LIMK2: variants seen among roughly 807,000 people sequenced by gnomAD.
LIMK2 encodes the protein LIM domain kinase 2.
Under a neutral mutation model 75.7 loss-of-function variants are expected in LIMK2, and 35 were observed. The observed-to-expected ratio is 0.46, with a 90% CI of 0.35 to 0.61. The LOEUF is 0.61. Among genes scored for constraint, LIMK2 ranks in the 20% least tolerant of loss-of-function variants. LIMK2 has a pLI of 0.00. For missense variants in LIMK2, 623 were observed against 831.0 expected, an observed-to-expected ratio of 0.75 and a Z score of 3.08; for synonymous variants, 301 against 319.2, an observed-to-expected ratio of 0.94 and a Z score of 0.61.
rs375596056 is a variant in LIMK2 at position 31,268,326 on chromosome 22, T to G, written c.1317+126T>G. On this transcript the variant is annotated intron_variant, in intron 11 of 15. Transcript: ENST00000331728. ...TGTGGGCTGGGTCAGCAGCTATTCA[T>G]TGAGTTTGTCTGTGTCACTGAAACT... 152 of 797,102 alleles carry G rather than the reference T, an allele frequency of 1.9e-4. 2 individuals carry two copies. The East Asian group carries it at 3.1e-3, about 16-fold the overall frequency. The allele number at this position is 797,102 out of a possible 1,614,324, so 49.4% of individuals were successfully genotyped here.
intron 2 of LIMK2, among the ~76,000 whole-genome samples, chr22:31,246,207 A>C (rs932779446): frequency 3.3e-5 from 5 of 149,790 alleles, no homozygotes; most frequent in African/African-American, 1.2e-4. Context: ...ACACACACAC[A>C]CACACACACG....
chr22:31,278,641 T>C lies in LIMK2; in HGVS notation c.*200T>C, dbSNP rs2049056231. On this transcript the variant is annotated 3_prime_UTR_variant, in exon 16 of 16. Transcript: ENST00000331728. The stretch of plus-strand genomic sequence containing the variant: ...ATGTATCTCCACAGGTTCTGGGGCC[T>C]AGTTACTGTCTGTAAATCCAATACT... The C allele has an allele frequency of 4.4e-6, 2 of 458,388 alleles. No individual in the cohort carries two copies. Among genetic ancestry groups the C allele is most frequent in the Non-Finnish European group, 7.6e-6 (2 of 263,288 alleles). The allele number at this position is 458,388 out of a possible 1,614,324, so 28.4% of individuals were successfully genotyped here. A position where few individuals can be genotyped will look rare whatever the true frequency, so the allele number is the denominator to read the frequency against.
At chr22:31,234,678 G>A (rs1468395889) in intron 2 of LIMK2, among the ~76,000 whole-genome samples, 3 of 136,566 alleles carry the variant, frequency 2.2e-5, no homozygotes, top group Admixed American at 1.7e-4. Context: ...CCCAGATCAC[G>A]CCACTGCACT....
At chr22:31,240,306 G>A (rs1366992337) in intron 2 of LIMK2, among the ~76,000 whole-genome samples, 2 of 152,170 alleles carry the variant, frequency 1.3e-5, no homozygotes, top group South Asian at 2.1e-4. Flanking sequence ...CAGTAGCACT[G>A]ACTCTTGCAG....
At position 31,258,445 on chromosome 22, in the gene LIMK2, A is replaced by G. The variant is rs769573078; in HGVS notation, c.252+19A>G. On this transcript the variant is annotated intron_variant, in intron 3 of 15. Transcript: ENST00000331728. ...TTTTATGGTGAGTGAATCCCTTCAT[A>G]TCTGCCCCTCTTGGTCTTCAGAGTC... 5.0e-6 allele frequency: 8 copies of G among 1,613,638 alleles called. No individual in the cohort carries two copies. Among genetic ancestry groups the G allele is most frequent in the East Asian group, 4.5e-5 (2 of 44,864 alleles).
chr22:31,246,383 GA>G (rs1001954974), intron 2 of LIMK2, among the ~76,000 whole-genome samples: 3 of 149,594 alleles, frequency 2.0e-5, no homozygotes, highest in South Asian at 2.1e-4. Flanking sequence ...AAAAAAAAAA[GA>G]AAAAAATCTT....
chr22:31,257,736 T>C (rs577232971), intron 2 of LIMK2, among the ~76,000 whole-genome samples: 90 of 152,294 alleles, frequency 5.9e-4, no homozygotes, highest in African/African-American at 2.1e-3. Context: ...GTTATTCTTA[T>C]AGAATAACCC....
chr22:31,218,199 A>G lies in LIMK2; in HGVS notation c.16+5775A>G, dbSNP rs542585331. 7.5e-4 allele frequency among the ~76,000 whole-genome samples: 115 copies of G among 152,322 alleles called. 1 individual carries two copies. Among genetic ancestry groups the G allele is most frequent in the Admixed American group, 2.2e-3 (33 of 15,298 alleles). On this transcript the variant is annotated intron_variant, in intron 1 of 15. Transcript: ENST00000331728. ...TTGGTAATCCTGTAAAGCAGGTGGT[A>G]TTATCCTCTTTTTAAAGATTAGGAG... is the stretch of plus-strand genomic sequence containing the variant.
rs1391783533 is a variant in LIMK2 at position 31,262,126 on chromosome 22, T to C, written c.552-8T>C. 6.2e-6 allele frequency: 10 copies of C among 1,612,520 alleles called. No individual in the cohort carries two copies. Among genetic ancestry groups the C allele is most frequent in the Non-Finnish European group, 8.5e-6 (10 of 1,178,624 alleles). On this transcript the variant is annotated splice_polypyrimidine_tract_variant and splice_region_variant and intron_variant, in intron 5 of 15. Coordinates refer to ENST00000331728, the MANE Select transcript of LIMK2 (RefSeq NM_005569.4). The surrounding 1 kb of genome is among the most constrained non-coding windows in gnomAD (Gnocchi z 5.0). ...TCTTTACCCTGCCTCAACTCTTGTC[T>C]GGCCCAGGGTCAACCGGATGCACAT... is the stretch of plus-strand genomic sequence containing the variant.
At chr22:31,268,263 C>T in intron 11 of LIMK2, 63 bp downstream of exon 11, 1 of 1,371,250 alleles carries the variant, frequency 7.3e-7, no homozygotes, top group East Asian at 2.3e-5. Flanking sequence ...GAATTGTGGG[C>T]TTCACTGGAA....
chr22:31,266,773 C>T (rs891950248), intron 8 of LIMK2, among the ~76,000 whole-genome samples: 2 of 152,232 alleles, frequency 1.3e-5, no homozygotes, highest in African/African-American at 4.8e-5. Context: ...TGCCTGTCCT[C>T]TGTGCATGCC....
chr22:31,271,339 C>A, intron 12 of LIMK2, 138 bp downstream of exon 12: 1 of 721,324 alleles, frequency 1.4e-6, no homozygotes. Flanking sequence ...CTTCCTGCTT[C>A]TTCCAATGCC....
intron 7 of LIMK2, among the ~76,000 whole-genome samples, chr22:31,265,615 A>G (rs2048886521): frequency 6.6e-6 from 1 of 152,196 alleles, no homozygotes; most frequent in South Asian, 2.1e-4. Context: ...ACTTAAATCA[A>G]GCAGATATGG....
In LIMK2 at chr22:31,251,346, T is replaced by A. The variant is rs2267169; in HGVS notation, c.117-6945T>A. 0.036 allele frequency among the ~76,000 whole-genome samples: 5,427 copies of A among 152,284 alleles called. 505 individuals are homozygous for A. The East Asian group carries it at 0.39, about 11-fold the overall frequency. ...ATCCATGTTTAAAGGGAAAAAATTA[T>A]GCATAACTCTGCCCAGCTTCACAGT... On this transcript the variant is annotated intron_variant, in intron 2 of 15. Transcript: ENST00000331728.
At chr22:31,272,067 T>TGTTTC (rs2048963605) in intron 12 of LIMK2, among the ~76,000 whole-genome samples, 1 of 152,008 alleles carries the variant, frequency 6.6e-6, no homozygotes, top group Non-Finnish European at 1.5e-5. Flanking sequence ...TGTTTTGTTT[T>TGTTTC]GTTTTGTTTT....
intron 15 of LIMK2, among the ~76,000 whole-genome samples, chr22:31,277,819 TCAAGA>T (rs747444552): frequency 8.6e-5 from 13 of 151,150 alleles, no homozygotes; most frequent in South Asian, 6.3e-4. Flanking sequence ...GGAAAAAGAG[TCAAGA>T]CAAGTAAAGA....
At chr22:31,267,130 C>T (rs569344129) in intron 9 of LIMK2, 60 bp downstream of exon 9, 5 of 912,508 alleles carry the variant, frequency 5.5e-6, no homozygotes, top group Admixed American at 4.7e-5. Flanking sequence ...GAAGACCTTA[C>T]AAATAATGGC....
intron 2 of LIMK2, among the ~76,000 whole-genome samples, chr22:31,230,818 C>G (rs2048521482): frequency 6.6e-6 from 1 of 152,194 alleles, no homozygotes; most frequent in Admixed American, 6.5e-5. Flanking sequence ...AGGGTACTTT[C>G]TGTGATGCTG....
In LIMK2 at chr22:31,259,215, A is replaced by T. The variant is rs202149781; in HGVS notation, c.347A>T (p.His116Leu). Residue 116 changes from histidine to leucine, a missense_variant, in exon 4 of 16, where the codon CAT becomes CTT. By Grantham distance (99) the His-to-Leu change is moderately conservative. This residue lies in a region of LIMK2 where 514 missense variants were observed against 661.3 expected (regional missense o/e 0.78). Coordinates refer to ENST00000331728, the MANE Select transcript of LIMK2 (RefSeq NM_005569.4). The part of the protein sequence containing the change: ...EDGDAYALVQ[H>L]ATLYCGKCHN... The stretch of plus-strand genomic sequence containing the variant: ...GGGGATGCATATGCACTGGTGCAGC[A>T]TGCCACCCTCTACTGGTAAGATAGT... 15 of 1,605,820 alleles carry T rather than the reference A, an allele frequency of 9.3e-6. No homozygotes were observed. Among genetic ancestry groups the T allele is most frequent in the Non-Finnish European group, 1.2e-5 (14 of 1,172,532 alleles).
Sources: gnomAD v4.1 joint callset for allele counts (sites outside exome capture counted in the v4.1 genomes callset) on GRCh38, gnomAD v4.1.1 for gene constraint, gnomAD v4.1.1 regional missense constraint, Gnocchi (gnomAD v3.1) non-coding constraint, MANE v1.5 for transcripts, NCBI Gene and HGNC (gene_info 2026-07-23, HGNC 2026-07-21) for gene names.